The following SUPT3H variants were observed in gnomAD, a reference collection of about 807,000 sequenced individuals.
SUPT3H encodes SPT3 homolog, SAGA and STAGA complex component.
Under a neutral mutation model 44.3 loss-of-function variants are expected in SUPT3H, and 44 were observed. The ratio of observed to expected loss-of-function variants is 0.99; its 90% CI spans 0.78 to 1.28. SUPT3H has a LOEUF of 1.28. Among genes scored for constraint, SUPT3H ranks in the 50% most tolerant of loss-of-function variants. The probability of loss-of-function intolerance (pLI) is 0.00; values close to 1 mark genes in which losing one functional copy is unlikely to be tolerated. For missense variants in SUPT3H, 380 were observed against 387.1 expected (o/e 0.98, Z 0.15); for synonymous variants, 124 against 125.6 (o/e 0.99, Z 0.09).
At chr6:44,817,721 A>T (rs1189646689) in intron 11 of SUPT3H, among the ~76,000 whole-genome samples, 1 of 152,206 alleles carries the variant, frequency 6.6e-6, no homozygotes, top group African/African-American at 2.4e-5. Context: ...AATGAAAAAA[A>T]TTTAAATATT....
At chr6:45,328,282 A>T (rs762474209) in intron 2 of SUPT3H, 14 of 1,364,456 alleles carry the variant, frequency 1.0e-5, no homozygotes, top group Non-Finnish European at 1.3e-5. Context: ...TGCTTGCAAA[A>T]AAAAGGAGTT....
intron 2 of SUPT3H, among the ~76,000 whole-genome samples, chr6:45,237,022 C>T (rs1769294767): frequency 6.6e-6 from 1 of 152,122 alleles, no homozygotes; most frequent in Non-Finnish European, 1.5e-5. Flanking sequence ...TACTTCTGTT[C>T]TCTGGAAAGT....
At chr6:45,115,890 A>C (rs1476687477) in intron 2 of SUPT3H, among the ~76,000 whole-genome samples, 2 of 152,152 alleles carry the variant, frequency 1.3e-5, no homozygotes. Flanking sequence ...CATGGCAATA[A>C]ACAGCCACCA....
chr6:44,904,797 G>T (rs1348609788), intron 10 of SUPT3H, among the ~76,000 whole-genome samples: 2 of 152,180 alleles, frequency 1.3e-5, no homozygotes, highest in Non-Finnish European at 2.9e-5. Flanking sequence ...AACCAAAACA[G>T]CATGGTACTG....
At chr6:45,277,301 T>G (rs1042870562) in intron 2 of SUPT3H, among the ~76,000 whole-genome samples, 1 of 152,184 alleles carries the variant, frequency 6.6e-6, no homozygotes, top group African/African-American at 2.4e-5. Flanking sequence ...TATTTTTCCT[T>G]TACAAAGAAA....
chr6:45,006,749 T>C (rs1483620214), intron 5 of SUPT3H, among the ~76,000 whole-genome samples: 1 of 152,102 alleles, frequency 6.6e-6, no homozygotes, highest in Non-Finnish European at 1.5e-5. Context: ...CTTCTCCATC[T>C]CTAAACTTTT....
At chr6:45,346,571 TTTTTTTTTTTTCTTGAGA>T (rs1343691432) in intron 2 of SUPT3H, among the ~76,000 whole-genome samples, 10 of 151,118 alleles carry the variant, frequency 6.6e-5, no homozygotes. Flanking sequence ...ACATTTCTTT[TTTTTTTTTTTTCTTGAGA>T]TAGGGTCTCA....
intron 10 of SUPT3H, among the ~76,000 whole-genome samples, chr6:44,850,438 T>A (rs1307240178): frequency 2.0e-5 from 3 of 152,150 alleles, no homozygotes; most frequent in African/African-American, 7.2e-5. Context: ...TTTTTTGAAT[T>A]AAGATGGCTT....
At chr6:45,042,748 T>A (rs2153530873) in intron 3 of SUPT3H, among the ~76,000 whole-genome samples, 1 of 152,196 alleles carries the variant, frequency 6.6e-6, no homozygotes, top group Non-Finnish European at 1.5e-5. Flanking sequence ...CATTACTGGG[T>A]ATATACCCAA....
At chr6:44,978,949 T>G (rs749105566) in intron 6 of SUPT3H, among the ~76,000 whole-genome samples, 1 of 152,152 alleles carries the variant, frequency 6.6e-6, no homozygotes, top group Non-Finnish European at 1.5e-5. Flanking sequence ...CTTGCCAAAA[T>G]AATAAATTAA....
chr6:45,015,733 A>G (rs1221124992), intron 4 of SUPT3H, among the ~76,000 whole-genome samples: 1 of 152,010 alleles, frequency 6.6e-6, no homozygotes. Context: ...ACTTTTTTCT[A>G]CTTTTAAATT....
chr6:45,218,436 G>A (rs6901786), intron 2 of SUPT3H, among the ~76,000 whole-genome samples: 93,287 of 152,076 alleles, frequency 0.61, 29,137 homozygotes, highest in African/African-American at 0.74. Context: ...AACAATTGAT[G>A]AAAGTACTAG....
chr6:45,245,671 T>A (rs1272797518), intron 2 of SUPT3H, among the ~76,000 whole-genome samples: 1 of 152,188 alleles, frequency 6.6e-6, no homozygotes, highest in Non-Finnish European at 1.5e-5. Context: ...CACATTTTTT[T>A]ATCCATTCAT....
chr6:45,341,937 A>C (rs913495321), intron 2 of SUPT3H, among the ~76,000 whole-genome samples: 1 of 152,216 alleles, frequency 6.6e-6, no homozygotes, highest in African/African-American at 2.4e-5. Flanking sequence ...CAGAACAGTC[A>C]ACCAAAACAG....
At chr6:44,839,627 T>C (rs1157639939) in intron 10 of SUPT3H, among the ~76,000 whole-genome samples, 1 of 152,088 alleles carries the variant, frequency 6.6e-6, no homozygotes, top group Non-Finnish European at 1.5e-5. Flanking sequence ...AAATACTTAT[T>C]AAAAATATTT....
chr6:45,111,469 C>G (rs1179216608), intron 2 of SUPT3H, among the ~76,000 whole-genome samples: 2 of 151,908 alleles, frequency 1.3e-5, no homozygotes, highest in African/African-American at 4.8e-5. Flanking sequence ...CCAAAGTGTT[C>G]CCTACCAAGT....
At chr6:44,869,935 C>T (rs1312974236) in intron 10 of SUPT3H, among the ~76,000 whole-genome samples, 1 of 152,196 alleles carries the variant, frequency 6.6e-6, no homozygotes, top group African/African-American at 2.4e-5. Context: ...TATCTCTTTT[C>T]ATTTCCCTGC....
chr6:44,914,778 A>C lies in SUPT3H; in HGVS notation c.912+17875T>G, dbSNP rs1357872909. On this transcript the variant is annotated intron_variant, in intron 10 of 10. Transcript: ENST00000371459. ...CTTTTATGTTGAGCTACAAATAAAC[A>C]AAAGTATTGTCCTTTGCTGAGAGAG... Among the ~76,000 whole-genome samples the C allele has an allele frequency of 2.0e-5, 3 of 152,206 alleles. No homozygotes were observed. In the East Asian group the frequency reaches 5.8e-4, roughly 29 times the overall value.
chr6:44,954,166 A>G (rs1774754619), intron 8 of SUPT3H, among the ~76,000 whole-genome samples: 1 of 152,192 alleles, frequency 6.6e-6, no homozygotes, highest in African/African-American at 2.4e-5. Flanking sequence ...AAATTCTCAC[A>G]TACGTAGAAA....
Sources: gnomAD v4.1 joint callset for allele counts (sites outside exome capture counted in the v4.1 genomes callset) on GRCh38, gnomAD v4.1.1 for gene constraint, MANE v1.5 for transcripts, NCBI Gene and HGNC (gene_info 2026-07-23, HGNC 2026-07-21) for gene names.